Variants in LDLRAD3 observed in about 807,000 individuals in gnomAD.
LDLRAD3 encodes low density lipoprotein receptor class A domain containing 3, also known as low-density lipoprotein receptor class A domain-containing protein 3.
In LDLRAD3, 20 loss-of-function variants were observed where a neutral mutation model predicts 29.4. The observed-to-expected ratio is 0.68, with a 90% CI of 0.48 to 0.99. The LOEUF is 0.99. Ranked by LOEUF, LDLRAD3 falls within the 50% of genes least tolerant of loss-of-function variation. LDLRAD3 has a pLI of 0.00. For missense variants in LDLRAD3, 420 were observed against 454.3 expected, an observed-to-expected ratio of 0.92 and a Z score of 0.69; for synonymous variants, 157 against 192.7, an observed-to-expected ratio of 0.81 and a Z score of 1.53.
At chr11:35,947,041 G>A (rs949069662) in intron 1 of LDLRAD3, among the ~76,000 whole-genome samples, 7 of 152,174 alleles carry the variant, frequency 4.6e-5, no homozygotes, top group Admixed American at 2.6e-4. Context: ...GGGAGGGAGA[G>A]AGATGGGAGT....
intron 4 of LDLRAD3, among the ~76,000 whole-genome samples, chr11:36,166,514 ATTTG>A (rs1469380479): frequency 1.3e-5 from 2 of 152,210 alleles, no homozygotes; most frequent in Non-Finnish European, 2.9e-5. Flanking sequence ...TCTTTTGTCC[ATTTG>A]TTTGACAAAT....
chr11:36,145,259 G>C (rs1289961477), intron 4 of LDLRAD3, among the ~76,000 whole-genome samples: 1 of 102,660 alleles, frequency 9.7e-6, no homozygotes, highest in Non-Finnish European at 2.0e-5. Flanking sequence ...AAGTGGGGGG[G>C]GGTCAGCCCC....
At position 36,040,898 on chromosome 11, in the gene LDLRAD3, TA is replaced by T. The variant is rs533754906; in HGVS notation, c.193+4657del. Among the ~76,000 whole-genome samples the T allele has an allele frequency of 3.6e-3, 546 of 152,228 alleles. 5 individuals are homozygous for T. Among genetic ancestry groups the T allele is most frequent in the African/African-American group, 0.012 (489 of 41,530 alleles). On this transcript the variant is annotated intron_variant, in intron 2 of 5. Transcript: ENST00000315571. ...TAATTGAAAAGTTACTTTTTTTAAT[TA>T]AAAAAAATTATCTAGCTAGATTGAG... is the stretch of plus-strand genomic sequence containing the variant.
chr11:36,209,353 C>CTTTTTTTTTTTT (rs71044560), intron 4 of LDLRAD3, among the ~76,000 whole-genome samples: 1 of 68,606 alleles, frequency 1.5e-5, no homozygotes, highest in African/African-American at 5.8e-5. Flanking sequence ...AGAAACTGTA[C>CTTTTTTTTTTTT]TTTTTTTTTT....
intron 2 of LDLRAD3, among the ~76,000 whole-genome samples, chr11:36,044,688 A>G (rs917198378): frequency 6.6e-6 from 1 of 152,238 alleles, no homozygotes; most frequent in Non-Finnish European, 1.5e-5. Context: ...CCAGGGAGCC[A>G]GCCAGATGCC....
At chr11:36,073,854 T>A (rs1852948900) in intron 2 of LDLRAD3, among the ~76,000 whole-genome samples, 1 of 152,260 alleles carries the variant, frequency 6.6e-6, no homozygotes, top group Admixed American at 6.5e-5. Context: ...CCTAGTCCTC[T>A]GGAGCTGGGC....
At chr11:36,000,604 A>G (rs969998644) in intron 1 of LDLRAD3, among the ~76,000 whole-genome samples, 4 of 152,218 alleles carry the variant, frequency 2.6e-5, no homozygotes, top group East Asian at 1.9e-4. Context: ...GAAATATTTA[A>G]TGCTGTTAAA....
At chr11:36,191,000 C>T (rs948401849) in intron 4 of LDLRAD3, among the ~76,000 whole-genome samples, 7 of 152,160 alleles carry the variant, frequency 4.6e-5, no homozygotes, top group Non-Finnish European at 8.8e-5. Flanking sequence ...AAAAGTTAGT[C>T]TCATACAGTC....
intron 1 of LDLRAD3, among the ~76,000 whole-genome samples, chr11:36,029,021 G>A (rs936249994): frequency 2.0e-5 from 3 of 152,208 alleles, no homozygotes; most frequent in African/African-American, 7.2e-5. Flanking sequence ...GAGGCAGGCG[G>A]ATCACAGGGT....
At chr11:35,976,468 C>T (rs1851477302) in intron 1 of LDLRAD3, among the ~76,000 whole-genome samples, 2 of 151,928 alleles carry the variant, frequency 1.3e-5, no homozygotes, top group African/African-American at 2.4e-5. Flanking sequence ...CGAAGGAGAT[C>T]GTGTACAGGA....
chr11:36,120,257 AT>A (rs778366294), intron 4 of LDLRAD3, among the ~76,000 whole-genome samples: 24 of 150,622 alleles, frequency 1.6e-4, no homozygotes, highest in Admixed American at 3.3e-4. Context: ...TGTAACAGGC[AT>A]TTTTTTTTTA....
chr11:35,956,399 A>G (rs1348863490), intron 1 of LDLRAD3, among the ~76,000 whole-genome samples: 1 of 152,218 alleles, frequency 6.6e-6, no homozygotes, highest in Non-Finnish European at 1.5e-5. Context: ...AAGATTTTAC[A>G]ATATGGATTG....
chr11:36,106,620 C>G (rs1853532409), intron 4 of LDLRAD3, among the ~76,000 whole-genome samples: 1 of 152,208 alleles, frequency 6.6e-6, no homozygotes, highest in Non-Finnish European at 1.5e-5. Context: ...ACTGCTAACT[C>G]TGTGGCTTTT....
chr11:36,203,800 C>G (rs1349743497), intron 4 of LDLRAD3, among the ~76,000 whole-genome samples: 1 of 152,152 alleles, frequency 6.6e-6, no homozygotes, highest in Admixed American at 6.5e-5. Flanking sequence ...GAAGGCTTCT[C>G]CACCCTTGCC....
chr11:36,048,217 G>A (rs1297015288), intron 2 of LDLRAD3, among the ~76,000 whole-genome samples: 1 of 152,146 alleles, frequency 6.6e-6, no homozygotes, highest in African/African-American at 2.4e-5. Context: ...TGGATGTTCA[G>A]GTTTACAGCA....
chr11:36,047,319 T>C (rs775246650), intron 2 of LDLRAD3, among the ~76,000 whole-genome samples: 11 of 152,258 alleles, frequency 7.2e-5, no homozygotes, highest in Non-Finnish European at 1.3e-4. Context: ...ACCATGTCCA[T>C]TCTGCATCTT....
chr11:36,062,903 T>C lies in LDLRAD3; in HGVS notation c.194-18750T>C, dbSNP rs552994043. ...GTGTATCTTTATTAGAAGGGACTAA[T>C]ACGTTGACCCACTAAAACTAGCTTT... On this transcript the variant is annotated intron_variant, in intron 2 of 5. Transcript: ENST00000315571. 4.6e-5 allele frequency among the ~76,000 whole-genome samples: 7 copies of C among 152,306 alleles called. No homozygotes were observed. In the South Asian group the frequency reaches 1.2e-3, roughly 27 times the overall value.
At chr11:36,206,789 C>T (rs894932509) in intron 4 of LDLRAD3, among the ~76,000 whole-genome samples, 4 of 147,278 alleles carry the variant, frequency 2.7e-5, no homozygotes, top group Admixed American at 1.4e-4. Flanking sequence ...TACAGTAGTG[C>T]GATCTTGGCT....
chr11:35,984,673 C>G (rs551328237), intron 1 of LDLRAD3, among the ~76,000 whole-genome samples: 1 of 152,256 alleles, frequency 6.6e-6, no homozygotes, highest in South Asian at 2.1e-4. Flanking sequence ...CTCTTGTTGC[C>G]CAGGCTGGAG....
Sources: gnomAD v4.1 joint callset for allele counts (sites outside exome capture counted in the v4.1 genomes callset) on GRCh38, gnomAD v4.1.1 for gene constraint, MANE v1.5 for transcripts, NCBI Gene and HGNC (gene_info 2026-07-23, HGNC 2026-07-21) for gene names.